Variants in SLC10A6 observed in about 807,000 individuals in gnomAD.
The protein encoded by SLC10A6 is sodium-dependent organic anion transporter.
A neutral mutation model predicts 30.0 loss-of-function variants in SLC10A6; 27 were observed. The ratio of observed to expected loss-of-function variants is 0.90; its 90% CI spans 0.66 to 1.24. The LOEUF (loss-of-function observed/expected upper bound fraction) is 1.24. SLC10A6 is among the 50% of genes most tolerant of loss of function. The pLI is 0.00. For synonymous variants in SLC10A6, 166 were observed against 173.8 expected, an observed-to-expected ratio of 0.95 and a Z score of 0.36; for missense variants, 439 against 457.0, an observed-to-expected ratio of 0.96 and a Z score of 0.36.
At position 86,828,041 on chromosome 4, in the gene SLC10A6, T is replaced by C; in HGVS notation, c.713A>G (p.His238Arg). The C allele has an allele frequency of 1.2e-6, 2 of 1,613,908 alleles. No homozygotes were observed. Among genetic ancestry groups the C allele is most frequent in the Non-Finnish European group, 8.5e-7 (1 of 1,179,940 alleles). Residue 238 changes from histidine (H) to arginine (R), a missense_variant, in exon 4 of 6, where the codon CAT becomes CGT. Transcript: ENST00000273905. ...AAGTGCCAGCAGAAAACCCGTGACA[T>C]GGCCAATCAAAGGAAAGATGAAACT... is the stretch of plus-strand genomic sequence containing the variant. ...TISFIFPLIGHVTGFLLALFT... is the reference protein window; with the variant it reads ...TISFIFPLIGRVTGFLLALFT...
At chr4:86,825,284 C>T (rs950705417) in intron 5 of SLC10A6, 136 bp downstream of exon 5, 6 of 720,488 alleles carry the variant, frequency 8.3e-6, no homozygotes, top group Admixed American at 2.8e-5. Context: ...TGTGCCTTAT[C>T]GTCCCCAGAA....
intron 1 of SLC10A6, among the ~76,000 whole-genome samples, chr4:86,835,067 C>T (rs1746157075): frequency 6.6e-6 from 1 of 152,214 alleles, no homozygotes; most frequent in Non-Finnish European, 1.5e-5. Flanking sequence ...CACATTTCAA[C>T]ATGAGATGTG....
chr4:86,839,903 A>ATTTTTTTTTT (rs33927377), intron 1 of SLC10A6, among the ~76,000 whole-genome samples: 2 of 142,240 alleles, frequency 1.4e-5, no homozygotes, highest in Non-Finnish European at 1.5e-5. Context: ...TTACACTCTT[A>ATTTTTTTTTT]TTTTTTTTTT....
At chr4:86,825,697 A>T (rs913792647) in intron 4 of SLC10A6, 120 bp from the exon 5 acceptor site, 2 of 1,074,214 alleles carry the variant, frequency 1.9e-6, no homozygotes, top group Non-Finnish European at 2.6e-6. Context: ...ATGTGTACTC[A>T]TTCCATAGTT....
At chr4:86,842,346 A>T (rs1194765669) in intron 1 of SLC10A6, among the ~76,000 whole-genome samples, 4 of 152,206 alleles carry the variant, frequency 2.6e-5, no homozygotes, top group Non-Finnish European at 5.9e-5. Context: ...ACATAAATAC[A>T]TCCTTACGGA....
chr4:86,836,827 G>T (rs577422625), intron 1 of SLC10A6, among the ~76,000 whole-genome samples: 1 of 151,834 alleles, frequency 6.6e-6, no homozygotes, highest in Non-Finnish European at 1.5e-5. Context: ...GCGCAATCTC[G>T]GCTCACTGCA....
chr4:86,825,679 C>A lies in SLC10A6; in HGVS notation c.762-102G>T. On this transcript the variant is annotated intron_variant, in intron 4 of 5. Coordinates refer to ENST00000273905, the MANE Select transcript of SLC10A6 (RefSeq NM_197965.3). ...ACAATTAGAAGCTATGACCTCAGGCCACTGAAAATGTGTACTCATTCCATA... is the reference window on the plus strand; with the variant it reads ...ACAATTAGAAGCTATGACCTCAGGCAACTGAAAATGTGTACTCATTCCATA... The A allele has an allele frequency of 3.3e-6, 4 of 1,224,048 alleles. 1 individual carries two copies. The South Asian group carries it at 6.1e-5, about 19-fold the overall frequency. The allele number at this position is 1,224,048 out of a possible 1,614,324, so 75.8% of individuals were successfully genotyped here.
At position 86,849,154 on chromosome 4, in the gene SLC10A6, G is replaced by A. The variant is rs200490962; in HGVS notation, c.-39C>T. 19 of 1,569,100 alleles carry A rather than the reference G, an allele frequency of 1.2e-5. No homozygotes were observed. Among genetic ancestry groups the A allele is most frequent in the Middle Eastern group, 1.7e-4 (1 of 5,814 alleles). On this transcript the variant is annotated 5_prime_UTR_variant, in exon 1 of 6. Transcript: ENST00000273905. The stretch of plus-strand genomic sequence containing the variant: ...TAAGGCAGCATTACAAATGAACATC[G>A]GCAACAATGGCTGGGCAGGTCTATC...
At chr4:86,824,576 A>AT (rs34050763) in intron 5 of SLC10A6, among the ~76,000 whole-genome samples, 19 of 149,066 alleles carry the variant, frequency 1.3e-4, no homozygotes, top group South Asian at 2.1e-4. Context: ...GAACATATAT[A>AT]TTTTTTTTTT....
At chr4:86,829,004 A>G (rs1746039569) in intron 3 of SLC10A6, among the ~76,000 whole-genome samples, 1 of 152,192 alleles carries the variant, frequency 6.6e-6, no homozygotes, top group East Asian at 1.9e-4. Context: ...ACTAGAGAAG[A>G]CAACAAACAA....
intron 4 of SLC10A6, among the ~76,000 whole-genome samples, chr4:86,826,997 T>C (rs1249610167): frequency 6.6e-6 from 1 of 152,184 alleles, no homozygotes; most frequent in African/African-American, 2.4e-5. Context: ...ACTTATTCTA[T>C]TGCTTGCTAC....
At chr4:86,832,365 G>A (rs1201932601) in intron 2 of SLC10A6, among the ~76,000 whole-genome samples, 2 of 152,098 alleles carry the variant, frequency 1.3e-5, no homozygotes, top group African/African-American at 2.4e-5. Flanking sequence ...AGCACTTTGG[G>A]AGGCCAAGGT....
chr4:86,824,595 G>A (rs1354243515), intron 5 of SLC10A6, among the ~76,000 whole-genome samples: 1 of 148,748 alleles, frequency 6.7e-6, no homozygotes, highest in East Asian at 2.0e-4. Context: ...TTTCTTTTTC[G>A]ACTTTTAGAT....
Position 86,837,200 on chromosome 4 carries a change from GTA to G in SLC10A6, c.378-3778_378-3777del, listed in dbSNP as rs1746199610. Among the ~76,000 whole-genome samples, 9 of 113,386 alleles carry G rather than the reference GTA, an allele frequency of 7.9e-5. 1 individual carries two copies. Among genetic ancestry groups the G allele is most frequent in the African/African-American group, 4.2e-4 (8 of 19,154 alleles). 74.4% of individuals were successfully genotyped at this position (113,386 alleles called of 152,430 possible). On this transcript the variant is annotated intron_variant, in intron 1 of 5. Transcript: ENST00000273905. ...AGAGGAAGAAGAGCCCATGGTGCAT[GTA>G]GAGAGAGAGAGAGAGAGAGAGAGAG...
Position 86,827,880 on chromosome 4 carries a change from C to T in SLC10A6, c.761+113G>A, listed in dbSNP as rs920405729. ...TTTATGCTTAGTTATCCTGTCGATT[C>T]CACTATGTAAGTCAAAACTCTTCAT... On this transcript the variant is annotated intron_variant, in intron 4 of 5. Coordinates refer to ENST00000273905, the MANE Select transcript of SLC10A6 (RefSeq NM_197965.3). 3.3e-6 allele frequency: 3 copies of T among 907,062 alleles called. No homozygotes were observed. The African/African-American group carries it at 5.1e-5, about 15-fold the overall frequency. The allele number at this position is 907,062 out of a possible 1,614,324, so 56.2% of individuals were successfully genotyped here. A position where few individuals can be genotyped will look rare whatever the true frequency, so the allele number is the denominator to read the frequency against.
intron 3 of SLC10A6, among the ~76,000 whole-genome samples, chr4:86,831,409 G>A (rs560146733): frequency 6.6e-6 from 1 of 152,162 alleles, no homozygotes; most frequent in Non-Finnish European, 1.5e-5. Flanking sequence ...CAAGAAACCA[G>A]CCATATTACT....
intron 4 of SLC10A6, 106 bp downstream of exon 4, chr4:86,827,887 G>A: frequency 9.8e-7 from 1 of 1,022,608 alleles, no homozygotes; most frequent in African/African-American, 1.6e-5. Context: ...ATTCCACTAT[G>A]TAAGTCAAAA....
intron 1 of SLC10A6, among the ~76,000 whole-genome samples, chr4:86,837,294 G>GAGAGAAA (rs1746212688): frequency 1.5e-5 from 1 of 68,760 alleles, no homozygotes; most frequent in African/African-American, 7.9e-5. Context: ...AAAAAGAAAG[G>GAGAGAAA]AAGGAAGGAA....
At chr4:86,841,907 C>T (rs571299434) in intron 1 of SLC10A6, among the ~76,000 whole-genome samples, 1 of 152,266 alleles carries the variant, frequency 6.6e-6, no homozygotes, top group African/African-American at 2.4e-5. Context: ...GCCCGATTTT[C>T]CATCCCTCAA....
Sources: allele counts gnomAD v4.1 joint callset (sites outside exome capture counted in the v4.1 genomes callset), GRCh38; gene constraint gnomAD v4.1.1; transcripts MANE v1.5; gene names NCBI Gene and HGNC (gene_info 2026-07-23, HGNC 2026-07-21).